Variants in CGB1 observed in about 807,000 individuals in gnomAD.
CGB1 encodes choriogonadotropin subunit beta variant 1.
A neutral mutation model predicts 7.0 loss-of-function variants in CGB1; 4 were observed. The ratio of observed to expected loss-of-function variants is 0.57; its 90% confidence interval spans 0.28 to 1.31. The LOEUF (loss-of-function observed/expected upper bound fraction) is 1.31. Ranked by LOEUF, CGB1 falls within the 50% of genes most tolerant of loss-of-function variation. CGB1 has a pLI of 0.10. For synonymous variants in CGB1, 72 were observed against 96.4 expected, an observed-to-expected ratio of 0.75 and a Z score of 1.48; for missense variants, 139 against 219.1, an observed-to-expected ratio of 0.63 and a Z score of 2.31.
rs2039809016 is a variant in CGB1, at chr19:49,035,860, A to C, written c.218T>G (p.Val73Gly). The C allele has an allele frequency of 2.7e-6, 4 of 1,493,286 alleles. No individual in the cohort carries two copies. The highest frequency in any genetic ancestry group is 2.7e-6 in the Non-Finnish European group (3 of 1,106,780). 92.5% of individuals were successfully genotyped at this position (1,493,286 alleles called of 1,614,324 possible). The change falls in exon 3 of 3, where the codon GTG becomes GGG. Residue 73 changes from valine to glycine, a missense_variant. By Grantham distance (109) the Val-to-Gly change is moderately radical. Coordinates refer to ENST00000301407, the MANE Select transcript of CGB1 (RefSeq NM_033377.2). ...LQGVLPALPQVVCNYRDVRFE... is the reference protein window; with the variant it reads ...LQGVLPALPQGVCNYRDVRFE... The stretch of plus-strand genomic sequence containing the variant: ...GCGCACATCGCGGTAGTTGCACACC[A>C]CCTGAGGCAGGGCCGGCAGGACCCC...
At chr19:49,035,938 G>A in intron 2 of CGB1, 38 bp from the exon 3 acceptor site, 1 of 1,182,768 alleles carries the variant, frequency 8.5e-7, no homozygotes, top group Non-Finnish European at 1.2e-6. Flanking sequence ...GCATGTGCCT[G>A]GGGCCAGCGC....
In CGB1 at chr19:49,036,686, A is replaced by G; in HGVS notation, c.9+17T>C. The G allele has an allele frequency of 6.2e-7, 1 of 1,613,960 alleles. No individual in the cohort carries two copies. Among genetic ancestry groups the G allele is most frequent in the African/African-American group, 1.3e-5 (1 of 75,038 alleles). On this transcript the variant is annotated intron_variant, in intron 1 of 2. Coordinates refer to ENST00000301407, the MANE Select transcript of CGB1 (RefSeq NM_033377.2). ...ACATCTCCATCTTTGGTGCCCGGAA[A>G]TGTGGATCTACCCTACCTTTGACAT...
intron 1 of CGB1, 64 bp downstream of exon 1, chr19:49,036,639 G>C: frequency 6.2e-7 from 1 of 1,613,956 alleles, no homozygotes; most frequent in South Asian, 1.1e-5. Context: ...AGGTGCCCAG[G>C]GGCCCTGCAG....
rs1466780913 is a variant in CGB1, at chr19:49,036,774, A to C, written c.-63T>G. 4.3e-6 allele frequency: 7 copies of C among 1,612,068 alleles called. No individual in the cohort carries two copies. Among genetic ancestry groups the C allele is most frequent in the Non-Finnish European group, 4.2e-6 (5 of 1,178,404 alleles). ...GAATGTGGACATGGAAAGTAAATTG[A>C]GTCTCCGTGGGGGAGTGAGACAGGG... On this transcript the variant is annotated 5_prime_UTR_variant, in exon 1 of 3. Transcript: ENST00000301407.
chr19:49,036,681 C>G, intron 1 of CGB1, 22 bp downstream of exon 1: 1 of 1,613,744 alleles, frequency 6.2e-7, no homozygotes, highest in South Asian at 1.1e-5. Context: ...CTTTGGTGCC[C>G]GGAAATGTGG....
rs980898105 is a variant in CGB1 at position 49,036,853 on chromosome 19, T to C, written c.-142A>G. 1.1e-4 allele frequency: 128 copies of C among 1,204,884 alleles called. No homozygotes were observed. Among genetic ancestry groups the C allele is most frequent in the Non-Finnish European group, 1.4e-4 (113 of 823,286 alleles). 74.6% of individuals were successfully genotyped at this position (1,204,884 alleles called of 1,614,324 possible). ...ACCTGGCCAGAGTCAGCGGACCCAA[T>C]TGGCTGCTCTCTCTCAGATGCAGTT... On this transcript the variant is annotated 5_prime_UTR_variant, in exon 1 of 3. Coordinates refer to ENST00000301407, the MANE Select transcript of CGB1 (RefSeq NM_033377.2).
At position 49,036,407 on chromosome 19, in the gene CGB1, C is replaced by G. The variant is rs148774902; in HGVS notation, c.10-104G>C. On this transcript the variant is annotated intron_variant, in intron 1 of 2. Coordinates refer to ENST00000301407, the MANE Select transcript of CGB1 (RefSeq NM_033377.2). ...ACCCACAAAGACCCAGAGACCCTTC[C>G]CGGCATCTTCTATTCAGGACCCACC... is the stretch of plus-strand genomic sequence containing the variant. 3.5e-4 allele frequency: 561 copies of G among 1,598,510 alleles called. No individual in the cohort carries two copies. The African/African-American group carries it at 5.1e-3, about 15-fold the overall frequency.
chr19:49,036,611 G>T lies in CGB1; in HGVS notation c.9+92C>A, dbSNP rs574454338. 4.1e-3 allele frequency: 6,582 copies of T among 1,613,924 alleles called. 32 individuals carry two copies. Among genetic ancestry groups the T allele is most frequent in the Non-Finnish European group, 5.0e-3 (5,935 of 1,179,836 alleles). On this transcript the variant is annotated intron_variant, in intron 1 of 2. Coordinates refer to ENST00000301407, the MANE Select transcript of CGB1 (RefSeq NM_033377.2). ...GTCTGCCCCTTCTCATGCCAGTGAT[G>T]GCCTGGAAGGAGGTGGAAGGTGCCC...
In CGB1 at chr19:49,036,887, T is replaced by A. The variant is rs1262313547; in HGVS notation, c.-176A>T. On this transcript the variant is annotated 5_prime_UTR_variant, in exon 1 of 3. Transcript: ENST00000301407. ...CTCTCTCAGATGCAGTTCCCCTTCC[T>A]CCCTCCAGGGGGCGCCACGGAACGC... 3.5e-6 allele frequency: 3 copies of A among 860,574 alleles called. No homozygotes were observed. The highest frequency in any genetic ancestry group is 5.5e-6 in the Non-Finnish European group (3 of 541,912). The allele number at this position is 860,574 out of a possible 1,614,324, so 53.3% of individuals were successfully genotyped here.
intron 1 of CGB1, 153 bp downstream of exon 1, chr19:49,036,550 C>T (rs2039821494): frequency 1.2e-6 from 2 of 1,610,478 alleles, no homozygotes; most frequent in Non-Finnish European, 1.7e-6. Context: ...GGGTCACGCT[C>T]CTCCAGAAAG....
chr19:49,035,745 G>T lies in CGB1; in HGVS notation c.333C>A (p.Cys111Ter). 2.5e-6 allele frequency: 4 copies of T among 1,607,950 alleles called. No homozygotes were observed. Among genetic ancestry groups the T allele is most frequent in the Non-Finnish European group, 3.4e-6 (4 of 1,178,568 alleles). Residue 111 changes from cysteine (C) to a stop codon, truncating the protein, a stop_gained, in exon 3 of 3, where the codon TGC becomes TGA. Transcript: ENST00000301407. LOFTEE classifies it low-confidence loss of function (END_TRUNC). ...AVALSCQCAL[C>*]RRSTTDCGGP... is the part of the protein sequence containing the mutation. ...CCCCGCAGTCAGTGGTGCTGCGGCGGCAGAGTGCACATTGACAGCTGAGAG... is the reference window on the plus strand; with the variant it reads ...CCCCGCAGTCAGTGGTGCTGCGGCGTCAGAGTGCACATTGACAGCTGAGAG...
chr19:49,035,616 C>T lies in CGB1; in HGVS notation c.462G>A (p.Gly154=), dbSNP rs1198471026. 1 of 1,611,544 alleles carries T rather than the reference C, an allele frequency of 6.2e-7. No homozygotes were observed. The highest frequency in any genetic ancestry group is 2.2e-5 in the East Asian group (1 of 44,866). Residue 154 remains glycine, a synonymous_variant, in exon 3 of 3, where the codon GGG becomes GGA. Coordinates refer to ENST00000301407, the MANE Select transcript of CGB1 (RefSeq NM_033377.2). ...PSLPSPSRLP[G]P ...GTGGGAGGATCGGGGTGTCCTAGGG[C>T]CCCGGGAGACGGGATGGACTTGGAA...
intron 1 of CGB1, 115 bp from the exon 2 acceptor site, chr19:49,036,418 T>C: frequency 3.8e-6 from 6 of 1,592,596 alleles, no homozygotes; most frequent in Non-Finnish European, 5.1e-6. Flanking sequence ...CGGCATCTTC[T>C]ATTCAGGACC....
rs2039806292 is a variant in CGB1 at position 49,035,726 on chromosome 19, A to C, written c.352T>G (p.Cys118Gly). The change falls in exon 3 of 3, where the codon TGC becomes GGC. Residue 118 changes from cysteine (C) to glycine (G), a missense_variant. Coordinates refer to ENST00000301407, the MANE Select transcript of CGB1 (RefSeq NM_033377.2). ...AAGGGGTGGTCCTTGGGACCCCCGC[A>C]GTCAGTGGTGCTGCGGCGGCAGAGT... is the stretch of plus-strand genomic sequence containing the variant. Reference protein sequence around the residue: ...CALCRRSTTDCGGPKDHPLTC... With the variant: ...CALCRRSTTDGGGPKDHPLTC... 3.1e-6 allele frequency: 5 copies of C among 1,608,982 alleles called. No homozygotes were observed. The East Asian group carries it at 1.1e-4, about 36-fold the overall frequency.
intron 1 of CGB1, 99 bp downstream of exon 1, chr19:49,036,604 C>G: frequency 6.2e-7 from 1 of 1,613,954 alleles, no homozygotes; most frequent in Admixed American, 1.7e-5. Flanking sequence ...CTTCTCATGC[C>G]AGTGATGGCC....
chr19:49,036,472 GA>G (rs1260914325), intron 1 of CGB1, 169 bp from the exon 2 acceptor site: 1 of 1,552,976 alleles, frequency 6.4e-7, no homozygotes, highest in African/African-American at 1.4e-5. Context: ...CCACAGCCCA[GA>G]GGACCTGAGA....
At chr19:49,036,395 C>T in intron 1 of CGB1, 92 bp from the exon 2 acceptor site, 2 of 1,601,122 alleles carry the variant, frequency 1.2e-6, no homozygotes, top group Non-Finnish European at 1.7e-6. Flanking sequence ...CACAAAGACC[C>T]AGAGACCCTT....
intron 2 of CGB1, 47 bp from the exon 3 acceptor site, chr19:49,035,947 G>A (rs2039810461): frequency 8.5e-7 from 1 of 1,180,854 alleles, no homozygotes; most frequent in East Asian, 2.6e-5. Context: ...TGGGGCCAGC[G>A]CCTCAGCTGA....
chr19:49,036,883 T>C lies in CGB1; in HGVS notation c.-172A>G, dbSNP rs185491599. On this transcript the variant is annotated 5_prime_UTR_variant, in exon 1 of 3. Coordinates refer to ENST00000301407, the MANE Select transcript of CGB1 (RefSeq NM_033377.2). ...TGCTCTCTCTCAGATGCAGTTCCCC[T>C]TCCTCCCTCCAGGGGGCGCCACGGA... 23 of 896,746 alleles carry C rather than the reference T, an allele frequency of 2.6e-5. No individual in the cohort carries two copies. The highest frequency in any genetic ancestry group is 4.0e-5 in the Non-Finnish European group (23 of 569,692). 55.5% of individuals were successfully genotyped at this position (896,746 alleles called of 1,614,324 possible). A position where few individuals can be genotyped will look rare whatever the true frequency, so the allele number is the denominator to read the frequency against.
Sources: allele counts gnomAD v4.1 joint callset, GRCh38; gene constraint gnomAD v4.1.1; transcripts MANE v1.5; gene names NCBI Gene and HGNC (gene_info 2026-07-23, HGNC 2026-07-21).